PDE4D: variants seen among roughly 807,000 people sequenced by gnomAD.
The protein encoded by PDE4D is phosphodiesterase 4D.
In PDE4D, 24 loss-of-function variants were observed where a neutral mutation model predicts 87.4. The ratio of observed to expected loss-of-function variants is 0.27; its 90% CI spans 0.20 to 0.39. The LOEUF is 0.39. Among genes scored for constraint, PDE4D ranks in the 10% least tolerant of loss-of-function variants. The pLI is 1.00. For synonymous variants in PDE4D, 384 were observed against 383.2 expected, an observed-to-expected ratio of 1.00 and a Z score of -0.02; for missense variants, 714 against 1,041.0, an observed-to-expected ratio of 0.69 and a Z score of 4.32.
chr5:60,204,562 C>T (rs1742289764), intron 1 of PDE4D, among the ~76,000 whole-genome samples: 1 of 152,156 alleles, frequency 6.6e-6, no homozygotes, highest in Admixed American at 6.5e-5. Flanking sequence ...ATGGCATTTC[C>T]CGCATTCTAC....
chr5:59,478,916 A>C (rs1803766632), intron 1 of PDE4D, among the ~76,000 whole-genome samples: 1 of 144,104 alleles, frequency 6.9e-6, no homozygotes, highest in Admixed American at 6.9e-5. Flanking sequence ...AATAAATCAC[A>C]GTATAACATT....
intron 1 of PDE4D, among the ~76,000 whole-genome samples, chr5:59,826,373 T>A (rs1056203567): frequency 6.6e-6 from 1 of 152,214 alleles, no homozygotes; most frequent in South Asian, 2.1e-4. Flanking sequence ...ATTATATGTA[T>A]GAGATTCGCG....
intron 3 of PDE4D, among the ~76,000 whole-genome samples, chr5:59,985,745 T>G (rs1247418604): frequency 1.3e-5 from 2 of 152,176 alleles, no homozygotes; most frequent in Non-Finnish European, 2.9e-5. Flanking sequence ...ATGTAGGGGA[T>G]TGGTTTCGGG....
At chr5:59,596,024 A>T (rs990128731) in intron 1 of PDE4D, among the ~76,000 whole-genome samples, 20 of 151,318 alleles carry the variant, frequency 1.3e-4, no homozygotes, top group African/African-American at 2.7e-4. Context: ...ATATATATAT[A>T]TTTTTGCAGT....
At chr5:59,211,190 T>C (rs187088524) in intron 2 of PDE4D, among the ~76,000 whole-genome samples, 83 of 152,342 alleles carry the variant, frequency 5.4e-4, no homozygotes, top group African/African-American at 1.6e-3. Context: ...ATTTATTTAC[T>C]AGACTCATGC....
At chr5:59,750,417 CT>C (rs1212839005) in intron 1 of PDE4D, among the ~76,000 whole-genome samples, 4 of 152,146 alleles carry the variant, frequency 2.6e-5, no homozygotes, top group Non-Finnish European at 5.9e-5. Flanking sequence ...AACTTCCCCC[CT>C]CCCTCAAATA....
chr5:60,094,891 C>T (rs1775511287), intron 2 of PDE4D, among the ~76,000 whole-genome samples: 3 of 152,014 alleles, frequency 2.0e-5, no homozygotes, highest in Admixed American at 6.6e-5. Context: ...CTTTTCCGTA[C>T]ATTAATATTT....
chr5:60,327,095 T>A (rs1277092221), intron 1 of PDE4D, among the ~76,000 whole-genome samples: 1 of 152,132 alleles, frequency 6.6e-6, no homozygotes, highest in African/African-American at 2.4e-5. Context: ...CTCTGCTCTC[T>A]TAGAGTCCCA....
intron 1 of PDE4D, among the ~76,000 whole-genome samples, chr5:60,472,620 A>G (rs535913946): frequency 4.0e-4 from 61 of 151,944 alleles, no homozygotes; most frequent in Non-Finnish European, 4.6e-4. Flanking sequence ...ATTGTGTTCA[A>G]CTCTGAAATG....
intron 1 of PDE4D, among the ~76,000 whole-genome samples, chr5:59,807,288 C>T (rs1200399901): frequency 6.6e-6 from 1 of 152,228 alleles, no homozygotes; most frequent in Non-Finnish European, 1.5e-5. Context: ...TATGGTCACG[C>T]AGAGCCCCAA....
chr5:59,343,637 C>A (rs1210260455), intron 1 of PDE4D, among the ~76,000 whole-genome samples: 1 of 152,132 alleles, frequency 6.6e-6, no homozygotes, highest in Admixed American at 6.6e-5. Flanking sequence ...TTGAGCTATT[C>A]TTTGATATTT....
chr5:60,486,522 G>A (rs1404792628), intron 1 of PDE4D, among the ~76,000 whole-genome samples: 1 of 152,166 alleles, frequency 6.6e-6, no homozygotes, highest in African/African-American at 2.4e-5. Context: ...TGATCTGAAA[G>A]GGGATAATAT....
intron 2 of PDE4D, among the ~76,000 whole-genome samples, chr5:60,155,347 C>T (rs1042760598): frequency 2.0e-5 from 3 of 152,058 alleles, no homozygotes; most frequent in African/African-American, 7.3e-5. Context: ...TTAGATTGAG[C>T]CCCTTTTTAT....
intron 3 of PDE4D, among the ~76,000 whole-genome samples, chr5:59,939,805 T>C (rs1036808865): frequency 6.6e-6 from 1 of 152,138 alleles, no homozygotes; most frequent in African/African-American, 2.4e-5. Flanking sequence ...TTGTGAACTT[T>C]ATCCTAAGAG....
chr5:59,970,482 A>C (rs996911759), intron 3 of PDE4D, among the ~76,000 whole-genome samples: 1 of 152,220 alleles, frequency 6.6e-6, no homozygotes, highest in Non-Finnish European at 1.5e-5. Context: ...AATATCCAGA[A>C]TCTACAATGA....
chr5:59,042,828 C>T (rs1456567314), intron 5 of PDE4D, among the ~76,000 whole-genome samples: 1 of 152,166 alleles, frequency 6.6e-6, no homozygotes, highest in East Asian at 1.9e-4. Flanking sequence ...CAGTGATATG[C>T]TTAGAGGTTC....
Position 59,225,909 on chromosome 5 carries a change from C to G in PDE4D, c.456-9941G>C, listed in dbSNP as rs59137692. ...TGGCAAACAGGGATATGAAAAGATG[C>G]TCAACCTCACTAATCATTAAGGAAA... On this transcript the variant is annotated intron_variant, in intron 1 of 14. Coordinates refer to ENST00000340635, the MANE Select transcript of PDE4D (RefSeq NM_001104631.2). Among the ~76,000 whole-genome samples the G allele has an allele frequency of 1.9e-3, 295 of 151,408 alleles. 2 individuals are homozygous for G. Among genetic ancestry groups the G allele is most frequent in the African/African-American group, 6.9e-3 (283 of 41,242 alleles).
At chr5:60,286,837 A>G (rs1189802323) in intron 1 of PDE4D, among the ~76,000 whole-genome samples, 1 of 152,214 alleles carries the variant, frequency 6.6e-6, no homozygotes, top group Non-Finnish European at 1.5e-5. Context: ...TAAAAGAAAT[A>G]AATGAGTAGC....
intron 1 of PDE4D, among the ~76,000 whole-genome samples, chr5:59,615,875 A>G (rs1251772488): frequency 1.3e-5 from 2 of 152,144 alleles, no homozygotes; most frequent in South Asian, 4.1e-4. Flanking sequence ...GCAGTTTTCT[A>G]TCTATTTAGT....
Sources: allele counts gnomAD v4.1 joint callset (sites outside exome capture counted in the v4.1 genomes callset), GRCh38; gene constraint gnomAD v4.1.1; transcripts MANE v1.5; gene names NCBI Gene and HGNC (gene_info 2026-07-23, HGNC 2026-07-21).